Variants in SHC3 observed in about 807,000 individuals in gnomAD.
SHC3 encodes SHC-transforming protein 3.
In SHC3, 15 loss-of-function variants were observed where a neutral mutation model predicts 60.4. That is an observed-to-expected ratio of 0.25 (90% CI 0.17 to 0.38). The LOEUF (loss-of-function observed/expected upper bound fraction) is 0.38. Ranked by LOEUF, SHC3 falls within the 10% of genes least tolerant of loss-of-function variation. The pLI is 1.00. For missense variants in SHC3, 677 were observed against 786.1 expected, an observed-to-expected ratio of 0.86 and a Z score of 1.66; for synonymous variants, 294 against 325.9, an observed-to-expected ratio of 0.90 and a Z score of 1.05.
intron 11 of SHC3, among the ~76,000 whole-genome samples, chr9:89,028,253 C>G (rs1826353519): frequency 6.6e-6 from 1 of 152,064 alleles, no homozygotes; most frequent in Non-Finnish European, 1.5e-5. Flanking sequence ...ATACTGGGGA[C>G]AGACTAGAGG....
At chr9:89,028,766 TATTCTCTATATA>T (rs1824418696) in intron 11 of SHC3, among the ~76,000 whole-genome samples, 1 of 146,248 alleles carries the variant, frequency 6.8e-6, no homozygotes, top group Admixed American at 6.9e-5. Context: ...TCTATATATA[TATTCTCTATATA>T]GATATAGAGA....
chr9:89,131,004 C>A (rs1826236346), intron 1 of SHC3, among the ~76,000 whole-genome samples: 1 of 152,004 alleles, frequency 6.6e-6, no homozygotes. Context: ...AATTGATAGA[C>A]CACTAGCAAG....
At chr9:89,025,334 G>C (rs1286756007) in intron 11 of SHC3, among the ~76,000 whole-genome samples, 3 of 152,048 alleles carry the variant, frequency 2.0e-5, no homozygotes, top group Non-Finnish European at 2.9e-5. Context: ...CCTGGATCCA[G>C]CCTAACCCAG....
At chr9:89,027,326 G>GTTTTTTTTTTTTTT (rs1554689479) in intron 11 of SHC3, among the ~76,000 whole-genome samples, 1 of 89,154 alleles carries the variant, frequency 1.1e-5, no homozygotes, top group African/African-American at 6.0e-5. Flanking sequence ...GTGAAATTCT[G>GTTTTTTTTTTTTTT]ATTTTTTTTT....
chr9:89,077,963 G>A, intron 2 of SHC3, 60 bp from the exon 3 acceptor site: 2 of 1,578,958 alleles, frequency 1.3e-6, no homozygotes, highest in East Asian at 4.5e-5. Flanking sequence ...GGAACCCAGA[G>A]ATGCTACACT....
At chr9:89,034,249 TAAA>T in intron 11 of SHC3, among the ~76,000 whole-genome samples, 1 of 152,244 alleles carries the variant, frequency 6.6e-6, no homozygotes, top group African/African-American at 2.4e-5. Context: ...ATTTTCTTTT[TAAA>T]CAGATTCCTA....
intron 2 of SHC3, among the ~76,000 whole-genome samples, chr9:89,078,636 A>G (rs1343006092): frequency 6.6e-6 from 1 of 152,074 alleles, no homozygotes; most frequent in East Asian, 1.9e-4. Context: ...GAGGGTGAGG[A>G]AGCAAGACAG....
intron 1 of SHC3, among the ~76,000 whole-genome samples, chr9:89,145,239 A>G (rs889020840): frequency 6.6e-6 from 1 of 152,266 alleles, no homozygotes; most frequent in Non-Finnish European, 1.5e-5. Flanking sequence ...GGAAATTCAC[A>G]AACACCATGC....
At chr9:89,168,219 A>G (rs1024859846) in intron 1 of SHC3, among the ~76,000 whole-genome samples, 1 of 152,170 alleles carries the variant, frequency 6.6e-6, no homozygotes, top group African/African-American at 2.4e-5. Context: ...TAATCCCAGC[A>G]CTTTGGGAGG....
At chr9:89,098,456 G>A (rs1825736528) in intron 2 of SHC3, among the ~76,000 whole-genome samples, 1 of 152,182 alleles carries the variant, frequency 6.6e-6, no homozygotes, top group African/African-American at 2.4e-5. Context: ...CAGGAAATGT[G>A]CACTTAACTA....
intron 11 of SHC3, among the ~76,000 whole-genome samples, chr9:89,024,076 G>GT (rs1231234486): frequency 2.6e-5 from 4 of 152,076 alleles, no homozygotes; most frequent in Admixed American, 2.0e-4. Flanking sequence ...GGTGTGATTC[G>GT]TAAGTTACCT....
intron 5 of SHC3, among the ~76,000 whole-genome samples, chr9:89,068,726 C>T (rs887288103): frequency 1.3e-5 from 2 of 151,960 alleles, no homozygotes; most frequent in Admixed American, 1.3e-4. Flanking sequence ...GTCCTATGTG[C>T]ATCCTGAAAA....
In SHC3 at chr9:89,082,831, A is replaced by G. The variant is rs181196003; in HGVS notation, c.546-4928T>C. 2.0e-5 allele frequency among the ~76,000 whole-genome samples: 3 copies of G among 152,254 alleles called. No homozygotes were observed. In the East Asian group the frequency reaches 5.8e-4, roughly 29 times the overall value. On this transcript the variant is annotated intron_variant, in intron 2 of 11. Coordinates refer to ENST00000375835, the MANE Select transcript of SHC3 (RefSeq NM_016848.6). ...GGACCTCATAGTCTCTGGACTCTGA[A>G]TGCTTCAGCAGCAGGCGGCTCACCC...
intron 6 of SHC3, among the ~76,000 whole-genome samples, chr9:89,060,776 C>T (rs1825075290): frequency 6.6e-6 from 1 of 152,000 alleles, no homozygotes; most frequent in Non-Finnish European, 1.5e-5. Context: ...AGAGCGGGCA[C>T]AGAGTGACTG....
At chr9:89,042,568 T>C (rs2046954214) in intron 9 of SHC3, among the ~76,000 whole-genome samples, 1 of 152,264 alleles carries the variant, frequency 6.6e-6, no homozygotes, top group African/African-American at 2.4e-5. Flanking sequence ...ACAAGCCTTA[T>C]ATTAATTGCT....
rs985875062 is a variant in SHC3, at chr9:89,084,071, C to T, written c.546-6168G>A. 5.3e-5 allele frequency among the ~76,000 whole-genome samples: 8 copies of T among 152,268 alleles called. No individual in the cohort carries two copies. In the East Asian group the frequency reaches 1.5e-3, roughly 29 times the overall value. On this transcript the variant is annotated intron_variant, in intron 2 of 11. Coordinates refer to ENST00000375835, the MANE Select transcript of SHC3 (RefSeq NM_016848.6). The stretch of plus-strand genomic sequence containing the variant: ...CATAGGCATCAAAAATACCATAAAC[C>T]TGATTTTTTAAAAAGTCATTTGACC...
At chr9:89,165,680 G>T (rs1157230949) in intron 1 of SHC3, among the ~76,000 whole-genome samples, 1 of 152,150 alleles carries the variant, frequency 6.6e-6, no homozygotes, top group Non-Finnish European at 1.5e-5. Context: ...GACTTGGGGG[G>T]TCTCAGATTT....
intron 10 of SHC3, among the ~76,000 whole-genome samples, chr9:89,039,244 T>C (rs1824635125): frequency 2.0e-5 from 3 of 152,204 alleles, no homozygotes; most frequent in African/African-American, 7.2e-5. Flanking sequence ...GAGCCCAGCA[T>C]TGCTCCTAGC....
rs1278394269 is a variant in SHC3 at position 89,112,607 on chromosome 9, A to G, written c.494T>C (p.Val165Ala). ...YVVKYLGCIE[V>A]LRSMRSLDFS... ...GTCAAGAGACCTCATTGAGCGCAGA[A>G]CTTCAATGCACCCCAAGTACTGCAA... is the stretch of plus-strand genomic sequence containing the variant. Residue 165 changes from valine (V) to alanine (A), a missense_variant, in exon 2 of 12, where the codon GTT (valine) becomes GCT (alanine). Transcript: ENST00000375835. The G allele has an allele frequency of 6.3e-7, 1 of 1,595,096 alleles. No individual in the cohort carries two copies. The highest frequency in any genetic ancestry group is 8.5e-7 in the Non-Finnish European group (1 of 1,172,370).
Sources: gnomAD v4.1 joint callset for allele counts (sites outside exome capture counted in the v4.1 genomes callset) on GRCh38, gnomAD v4.1.1 for gene constraint, MANE v1.5 for transcripts, NCBI Gene and HGNC (gene_info 2026-07-23, HGNC 2026-07-21) for gene names.